LOC128092253: variants seen among roughly 807,000 people sequenced by gnomAD.
At chr6:133,967,891 C>A in the LOC128092253 span, among the ~76,000 whole-genome samples, 107 of 152,232 alleles carry the variant, frequency 7.0e-4, no homozygotes, top group African/African-American at 2.4e-3. Flanking sequence ...ACAGCATGTG[C>A]GATCCCAATC....
chr6:133,959,041 A>G, the LOC128092253 span, among the ~76,000 whole-genome samples: 5 of 151,916 alleles, frequency 3.3e-5, no homozygotes, highest in Admixed American at 2.6e-4. Context: ...CTGTGCTGGG[A>G]AATTTTTTTT....
At chr6:133,972,427 T>C in the LOC128092253 span, among the ~76,000 whole-genome samples, 1 of 152,224 alleles carries the variant, frequency 6.6e-6, no homozygotes, top group Admixed American at 6.5e-5. Flanking sequence ...CATTTATCAG[T>C]GATAAATTTT....
At chr6:133,962,649 A>G in the LOC128092253 span, among the ~76,000 whole-genome samples, 1,888 of 152,338 alleles carry the variant, frequency 0.012, 21 homozygotes, top group Non-Finnish European at 0.017. Context: ...ATAGGTCAGG[A>G]TAGATGTAGG....
chr6:133,958,446 TC>T, the LOC128092253 span, among the ~76,000 whole-genome samples: 1 of 152,184 alleles, frequency 6.6e-6, no homozygotes, highest in Non-Finnish European at 1.5e-5. Context: ...CCCCAGTAAT[TC>T]AGGTGGCTCA....
the LOC128092253 span, among the ~76,000 whole-genome samples, chr6:133,965,052 A>G: frequency 3.3e-4 from 50 of 152,332 alleles, no homozygotes; most frequent in Middle Eastern, 0.01. Flanking sequence ...ATGCATGCCA[A>G]TTCTGACACC....
chr6:133,966,984 T>G, the LOC128092253 span, among the ~76,000 whole-genome samples: 2 of 152,208 alleles, frequency 1.3e-5, no homozygotes, highest in Non-Finnish European at 2.9e-5. Context: ...CCACTACTTT[T>G]GAGATAAACA....
At chr6:133,957,742 C>T in the LOC128092253 span, among the ~76,000 whole-genome samples, 1 of 152,218 alleles carries the variant, frequency 6.6e-6, no homozygotes, top group African/African-American at 2.4e-5. Flanking sequence ...TCTCACTGCC[C>T]TGAGCCCCAG....
At chr6:133,956,108 C>T in the LOC128092253 span, among the ~76,000 whole-genome samples, 1 of 152,004 alleles carries the variant, frequency 6.6e-6, no homozygotes, top group Non-Finnish European at 1.5e-5. Context: ...CAGTAATAAC[C>T]TAGGTGATTG....
At chr6:133,976,343 C>T in the LOC128092253 span, among the ~76,000 whole-genome samples, 140 of 152,086 alleles carry the variant, frequency 9.2e-4, no homozygotes, top group African/African-American at 3.0e-3. Context: ...GTTTCAGATA[C>T]GATGTTGAGT....
chr6:133,956,585 G>A, the LOC128092253 span, among the ~76,000 whole-genome samples: 3 of 152,176 alleles, frequency 2.0e-5, no homozygotes, highest in Admixed American at 2.0e-4. Context: ...GTATGTCCCT[G>A]CCCTGTGTGT....
the LOC128092253 span, among the ~76,000 whole-genome samples, chr6:133,974,661 A>G: frequency 2.6e-5 from 4 of 152,238 alleles, no homozygotes; most frequent in African/African-American, 9.6e-5. Flanking sequence ...CTGGTTGACT[A>G]TAGTTCCACA....
the LOC128092253 span, chr6:133,979,984 A>G: frequency 3.1e-6 from 3 of 959,836 alleles, no homozygotes; most frequent in Non-Finnish European, 4.3e-6. Flanking sequence ...TTGAAAAATA[A>G]ATAATATAGA....
the LOC128092253 span, among the ~76,000 whole-genome samples, chr6:133,975,413 A>G: frequency 8.5e-5 from 13 of 152,188 alleles, no homozygotes; most frequent in Admixed American, 2.6e-4. Flanking sequence ...TTTAAATTCA[A>G]TCTAATTTAA....
the LOC128092253 span, among the ~76,000 whole-genome samples, chr6:133,963,745 A>T: frequency 6.6e-6 from 1 of 151,412 alleles, no homozygotes; most frequent in African/African-American, 2.4e-5. Context: ...GATCGTTAAG[A>T]ACCGGCCTGG....
chr6:133,976,636 A>G, the LOC128092253 span, among the ~76,000 whole-genome samples: 1 of 152,188 alleles, frequency 6.6e-6, no homozygotes, highest in Non-Finnish European at 1.5e-5. Flanking sequence ...TCGATAAATT[A>G]TGTCACTACA....
At chr6:133,973,511 T>C in the LOC128092253 span, among the ~76,000 whole-genome samples, 2 of 152,230 alleles carry the variant, frequency 1.3e-5, no homozygotes, top group Non-Finnish European at 2.9e-5. Context: ...TAAATATCTT[T>C]CCTGGTGTGG....
the LOC128092253 span, among the ~76,000 whole-genome samples, chr6:133,961,465 C>CTTTTTTT: frequency 2.6e-4 from 26 of 100,158 alleles, no homozygotes; most frequent in African/African-American, 3.8e-4. Flanking sequence ...TTCTTTCTTT[C>CTTTTTTT]TTTTTTTTTT....
chr6:133,966,864 G>T, the LOC128092253 span, among the ~76,000 whole-genome samples: 32 of 152,186 alleles, frequency 2.1e-4, no homozygotes, highest in African/African-American at 7.5e-4. Context: ...TGCCTGGACT[G>T]CTGTGCTACC....
the LOC128092253 span, among the ~76,000 whole-genome samples, chr6:133,976,820 C>G: frequency 4.6e-5 from 7 of 152,082 alleles, no homozygotes; most frequent in East Asian, 1.4e-3. Flanking sequence ...AACCCTGTCT[C>G]TACTAAAAAT....
Sources: allele counts gnomAD v4.1 joint callset (sites outside exome capture counted in the v4.1 genomes callset), GRCh38; gene constraint gnomAD v4.1.1; transcripts MANE v1.5.